Variants in IL4R observed in about 807,000 individuals in gnomAD.
IL4R encodes the protein interleukin 4 receptor, also known as interleukin-4 receptor subunit alpha.
Under a neutral mutation model 41.5 loss-of-function variants are expected in IL4R, and 17 were observed. The observed-to-expected ratio is 0.41, with a 90% CI of 0.28 to 0.61. IL4R has a LOEUF of 0.61. Ranked by LOEUF, IL4R falls within the 20% of genes least tolerant of loss-of-function variation. IL4R has a pLI of 0.31. For synonymous variants in IL4R, 402 were observed against 422.9 expected, an observed-to-expected ratio of 0.95 and a Z score of 0.61; for missense variants, 974 against 1,043.1, an observed-to-expected ratio of 0.93 and a Z score of 0.91.
chr16:27,329,447 G>A (rs1018473522), intron 1 of IL4R, among the ~76,000 whole-genome samples: 3 of 152,008 alleles, frequency 2.0e-5, no homozygotes, highest in Admixed American at 6.6e-5. Context: ...AGGCCAAGGC[G>A]GGTGGATCAC....
chr16:27,344,834 A>G (rs778294946), intron 4 of IL4R, 35 bp from the exon 5 acceptor site: 1 of 1,611,524 alleles, frequency 6.2e-7, no homozygotes. Context: ...GCCAGCCTAC[A>G]GGTGACCAGC....
At chr16:27,332,837 A>G (rs1482179578) in intron 2 of IL4R, among the ~76,000 whole-genome samples, 2 of 152,100 alleles carry the variant, frequency 1.3e-5, no homozygotes, top group African/African-American at 4.8e-5. Context: ...TGCTTTTGCT[A>G]CGTCTCACCG....
chr16:27,346,312 T>C (rs2085641946), intron 5 of IL4R, among the ~76,000 whole-genome samples, 155 bp from the exon 6 acceptor site: 1 of 152,248 alleles, frequency 6.6e-6, no homozygotes, highest in South Asian at 2.1e-4. Context: ...TCTTCTTTGC[T>C]ATGGCTCTGA....
At chr16:27,316,499 G>C (rs1045564982) in intron 1 of IL4R, among the ~76,000 whole-genome samples, 1 of 152,146 alleles carries the variant, frequency 6.6e-6, no homozygotes, top group Non-Finnish European at 1.5e-5. Flanking sequence ...CCCACCTCTC[G>C]ACTGCCCTCA....
chr16:27,363,890 A>G lies in IL4R; in HGVS notation c.*60A>G, dbSNP rs2086407429. ...GGACTAGGGCTTATCCATGCCTGGGAAATGCCACCTCCTGGAAGGCAGCCA... is the reference window on the plus strand; with the variant it reads ...GGACTAGGGCTTATCCATGCCTGGGGAATGCCACCTCCTGGAAGGCAGCCA... On this transcript the variant is annotated 3_prime_UTR_variant, in exon 11 of 11. Transcript: ENST00000395762. 1 of 1,515,978 alleles carries G rather than the reference A, an allele frequency of 6.6e-7. No individual in the cohort carries two copies. Among genetic ancestry groups the G allele is most frequent in the Non-Finnish European group, 8.8e-7 (1 of 1,135,834 alleles). The allele number at this position is 1,515,978 out of a possible 1,614,324, so 93.9% of individuals were successfully genotyped here.
intron 7 of IL4R, among the ~76,000 whole-genome samples, chr16:27,354,351 G>C (rs3024625): frequency 6.6e-6 from 1 of 152,106 alleles, no homozygotes; most frequent in Admixed American, 6.6e-5. Context: ...CAGGTTGGCC[G>C]TTGCACACTG....
chr16:27,356,468 A>G (rs909628581), intron 8 of IL4R, among the ~76,000 whole-genome samples: 5 of 152,176 alleles, frequency 3.3e-5, no homozygotes, highest in Non-Finnish European at 5.9e-5. Flanking sequence ...GTGGTTTTCC[A>G]TAGTGACCCA....
At chr16:27,339,130 C>A (rs1349670540) in intron 2 of IL4R, among the ~76,000 whole-genome samples, 3 of 152,122 alleles carry the variant, frequency 2.0e-5, no homozygotes, top group Non-Finnish European at 2.9e-5. Flanking sequence ...GCTGGAAATA[C>A]AGGTGTGAGC....
In IL4R at chr16:27,345,133, C is replaced by A; in HGVS notation, c.361+113C>A. 8.4e-7 allele frequency: 1 copy of A among 1,191,106 alleles called. No homozygotes were observed. Among genetic ancestry groups the A allele is most frequent in the South Asian group, 1.3e-5 (1 of 77,152 alleles). 73.8% of individuals were successfully genotyped at this position (1,191,106 alleles called of 1,614,324 possible). On this transcript the variant is annotated intron_variant, in intron 5 of 10. Transcript: ENST00000395762. The surrounding 1 kb of genome is among the most constrained non-coding windows in gnomAD (Gnocchi z 4.5). ...GGTCATAGCAACAGCAGGAGGAAGC[C>A]GCCTGTATTTTCCCAAATCTGATGG...
intron 1 of IL4R, among the ~76,000 whole-genome samples, chr16:27,318,149 G>C (rs2084700491): frequency 6.6e-6 from 1 of 152,200 alleles, no homozygotes; most frequent in Non-Finnish European, 1.5e-5. Flanking sequence ...GCTTTTTAGA[G>C]TCTTCATCCT....
chr16:27,363,334 C>A lies in IL4R; in HGVS notation c.1982C>A (p.Pro661Gln), dbSNP rs1171990731. The A allele has an allele frequency of 1.2e-6, 2 of 1,613,658 alleles. No individual in the cohort carries two copies. Among genetic ancestry groups the A allele is most frequent in the Admixed American group, 1.7e-5 (1 of 59,964 alleles). The part of the protein sequence containing the change: ...PLFTFGLDRE[P>Q]PRSPQSSHLP... ...TTCACCTTTGGACTGGACAGGGAGC[C>A]ACCTCGCAGTCCGCAGAGCTCACAT... The change falls in exon 11 of 11, where the codon CCA becomes CAA. Residue 661 changes from proline to glutamine, a missense_variant. Coordinates refer to ENST00000395762, the MANE Select transcript of IL4R (RefSeq NM_000418.4).
At chr16:27,342,531 C>T (rs2085477391) in intron 4 of IL4R, among the ~76,000 whole-genome samples, 1 of 151,930 alleles carries the variant, frequency 6.6e-6, no homozygotes, top group African/African-American at 2.4e-5. Context: ...GTCTCAGGAC[C>T]CTTTTTCACA....
At chr16:27,351,513 T>A (rs190773729) in intron 6 of IL4R, among the ~76,000 whole-genome samples, 1 of 97,266 alleles carries the variant, frequency 1.0e-5, no homozygotes, top group Non-Finnish European at 2.0e-5. Context: ...TCTCTCTCTT[T>A]TTTTTTTTTT....
intron 1 of IL4R, among the ~76,000 whole-genome samples, chr16:27,328,501 A>G (rs1037132325): frequency 2.6e-5 from 4 of 152,136 alleles, no homozygotes; most frequent in Admixed American, 2.6e-4. Context: ...GGCCTCCCAA[A>G]GTGCTGGGAT....
At chr16:27,359,837 C>T (rs3024660) in intron 9 of IL4R, 371,063 of 456,000 alleles carry the variant, frequency 0.81, 155,607 homozygotes, top group East Asian at 0.91. Context: ...GTGTAACAAA[C>T]GACCCCGAAA....
intron 1 of IL4R, among the ~76,000 whole-genome samples, chr16:27,315,818 T>C (rs1340750672): frequency 6.6e-6 from 1 of 152,134 alleles, no homozygotes; most frequent in Non-Finnish European, 1.5e-5. Context: ...GGCCCCACCC[T>C]GGGCCTCTGG....
At chr16:27,341,238 C>G (rs1457126419) in intron 3 of IL4R, 1 of 660,882 alleles carries the variant, frequency 1.5e-6, no homozygotes, top group Non-Finnish European at 2.8e-6. Context: ...CAGGATGACT[C>G]CAAGATTTCT....
intron 1 of IL4R, among the ~76,000 whole-genome samples, chr16:27,318,415 A>G (rs867036882): frequency 2.7e-5 from 4 of 150,636 alleles, no homozygotes; most frequent in Middle Eastern, 3.4e-3. Flanking sequence ...GGAATCAGGG[A>G]GGGCTTCCCT....
rs1183723109 is a variant in IL4R at position 27,346,721 on chromosome 16, T to G, written c.513+103T>G. The stretch of plus-strand genomic sequence containing the variant: ...AGCCAGGAGCCTGGGAGGCAAGCCC[T>G]GGGGCTGGATAGCAAATCCCAGGAG... On this transcript the variant is annotated intron_variant, in intron 6 of 10. Transcript: ENST00000395762. 3.9e-6 allele frequency: 5 copies of G among 1,273,630 alleles called. No homozygotes were observed. In the East Asian group the frequency reaches 1.2e-4, roughly 29 times the overall value. 78.9% of individuals were successfully genotyped at this position (1,273,630 alleles called of 1,614,324 possible).
Sources: allele counts gnomAD v4.1 joint callset (sites outside exome capture counted in the v4.1 genomes callset), GRCh38; gene constraint gnomAD v4.1.1; non-coding constraint Gnocchi (gnomAD v3.1); transcripts MANE v1.5; gene names NCBI Gene and HGNC (gene_info 2026-07-23, HGNC 2026-07-21).